ORC2: variants seen among roughly 807,000 people sequenced by gnomAD.
ORC2 encodes origin recognition complex protein 2 homolog.
ORC2 carries 37 observed loss-of-function variants against 77.7 expected under a neutral mutation model. The observed-to-expected ratio is 0.48, with a 90% CI of 0.37 to 0.63. ORC2 has a LOEUF of 0.63. Among genes scored for constraint, ORC2 ranks in the 20% least tolerant of loss-of-function variants. The pLI, the probability that ORC2 is intolerant of heterozygous loss-of-function variation, is 0.00. For missense variants in ORC2, 557 were observed against 661.9 expected (o/e 0.84, Z 1.74); for synonymous variants, 201 against 229.5 (o/e 0.88, Z 1.12).
intron 14 of ORC2, 130 bp from the exon 15 acceptor site, chr2:200,920,523 T>C: frequency 1.7e-6 from 1 of 591,248 alleles, no homozygotes; most frequent in Non-Finnish European, 2.6e-6. Flanking sequence ...TTTTTGCCAC[T>C]TCCATATCTA....
At position 200,925,932 on chromosome 2, in the gene ORC2, C is replaced by T. The variant is rs747476604; in HGVS notation, c.1051G>A (p.Val351Ile). 3.4e-6 allele frequency: 5 copies of T among 1,474,542 alleles called. No individual in the cohort carries two copies. In the South Asian group the frequency reaches 6.0e-5, roughly 18 times the overall value. The allele number at this position is 1,474,542 out of a possible 1,614,324, so 91.3% of individuals were successfully genotyped here. A position where few individuals can be genotyped will look rare whatever the true frequency, so the allele number is the denominator to read the frequency against. ...ACTTCTTCTGTTATAGAATTCAGGA[C>T]CTATATCATGAATGTGGAAGAGGTA... ...GFFPGISVKS[V>I]LNSITEEVLD... The change falls in exon 13 of 18, where the codon GTC (valine) becomes ATC (isoleucine). Residue 351 changes from valine (V) to isoleucine (I), a missense_variant and splice_region_variant. Val to Ile is a conservative substitution (Grantham distance 29). Transcript: ENST00000234296.
rs527445837 is a variant in ORC2, at chr2:200,934,527, T to C, written c.709-553A>G. Among the ~76,000 whole-genome samples, 13 of 151,136 alleles carry C rather than the reference T, an allele frequency of 8.6e-5. No individual in the cohort carries two copies. In the South Asian group the frequency reaches 2.7e-3, roughly 32 times the overall value. ...TTTTTTTTGCAGAGACAGGGTCTTA[T>C]TATGTTATCCAGGCTGGTTTCAAAC... is the stretch of plus-strand genomic sequence containing the variant. On this transcript the variant is annotated intron_variant, in intron 9 of 17. Transcript: ENST00000234296.
At chr2:200,946,954 G>C (rs1211768449) in intron 5 of ORC2, among the ~76,000 whole-genome samples, 1 of 152,040 alleles carries the variant, frequency 6.6e-6, no homozygotes, top group East Asian at 1.9e-4. Flanking sequence ...CCAGGCTGGA[G>C]TGCAGTGGTG....
chr2:200,952,054 T>A (rs116872101), intron 4 of ORC2, among the ~76,000 whole-genome samples: 4,232 of 152,084 alleles, frequency 0.028, 74 homozygotes, highest in Non-Finnish European at 0.041. Context: ...GCCTTTTTTT[T>A]AAAATGGGAA....
chr2:200,930,438 TCCA>T (rs2040919850), intron 11 of ORC2, among the ~76,000 whole-genome samples: 1 of 151,730 alleles, frequency 6.6e-6, no homozygotes, highest in African/African-American at 2.4e-5. Context: ...AATGCATAGA[TCCA>T]TAAATAGTTA....
intron 11 of ORC2, among the ~76,000 whole-genome samples, chr2:200,928,566 C>A (rs1017268667): frequency 1.3e-5 from 2 of 152,050 alleles, no homozygotes; most frequent in African/African-American, 4.8e-5. Context: ...GTAATCCCAG[C>A]ACTTTGGGAG....
At chr2:200,920,415 C>T in intron 14 of ORC2, 22 bp from the exon 15 acceptor site, 2 of 1,461,232 alleles carry the variant, frequency 1.4e-6, no homozygotes, top group Middle Eastern at 1.9e-4. Flanking sequence ...TCAAAGAAAA[C>T]AAGAATTACA....
At chr2:200,941,423 CT>C (rs1462530824) in intron 6 of ORC2, 144 bp from the exon 7 acceptor site, 1 of 576,032 alleles carries the variant, frequency 1.7e-6, no homozygotes, top group Non-Finnish European at 3.1e-6. Context: ...AGGAAGATTG[CT>C]TGAGGCCAGG....
chr2:200,948,420 A>C (rs1265752621), intron 5 of ORC2, among the ~76,000 whole-genome samples: 2 of 152,230 alleles, frequency 1.3e-5, no homozygotes, highest in African/African-American at 2.4e-5. Context: ...GTTCTCTGAA[A>C]ATCAGCAACT....
intron 4 of ORC2, among the ~76,000 whole-genome samples, chr2:200,954,292 C>G (rs748179723): frequency 1.1e-4 from 16 of 152,098 alleles, no homozygotes; most frequent in Admixed American, 7.2e-4. Context: ...CCTTGGCCTC[C>G]CAAAGTGCTG....
At chr2:200,948,204 C>T (rs2041287135) in intron 5 of ORC2, among the ~76,000 whole-genome samples, 1 of 151,906 alleles carries the variant, frequency 6.6e-6, no homozygotes, top group African/African-American at 2.4e-5. Flanking sequence ...TGAGCCACTG[C>T]ACCCAGCCTA....
chr2:200,928,364 A>C (rs1432183859), intron 11 of ORC2, among the ~76,000 whole-genome samples: 1 of 152,124 alleles, frequency 6.6e-6, no homozygotes, highest in East Asian at 1.9e-4. Flanking sequence ...TTAAATAAAT[A>C]AATAAATATT....
intron 15 of ORC2, 107 bp downstream of exon 15, chr2:200,920,115 A>G: frequency 1.3e-6 from 1 of 753,978 alleles, no homozygotes; most frequent in Non-Finnish European, 2.1e-6. Context: ...CTATAATTTC[A>G]CTTAATCCTT....
chr2:200,933,690 T>A (rs1559013525), intron 10 of ORC2, among the ~76,000 whole-genome samples, 186 bp downstream of exon 10: 1 of 152,212 alleles, frequency 6.6e-6, no homozygotes, highest in Non-Finnish European at 1.5e-5. Context: ...ATTACAGGTA[T>A]GAGCCAGGTG....
chr2:200,925,040 G>A (rs1035511199), intron 13 of ORC2, among the ~76,000 whole-genome samples: 13 of 152,306 alleles, frequency 8.5e-5, no homozygotes, highest in South Asian at 2.1e-4. Context: ...GATTACAGGC[G>A]TCAGCCACTG....
intron 5 of ORC2, among the ~76,000 whole-genome samples, chr2:200,947,256 A>T (rs929411664): frequency 6.6e-6 from 1 of 152,228 alleles, no homozygotes; most frequent in African/African-American, 2.4e-5. Context: ...ACATCAATTA[A>T]TGTAAATTAT....
At chr2:200,927,466 G>A (rs976211105) in intron 11 of ORC2, among the ~76,000 whole-genome samples, 2 of 151,194 alleles carry the variant, frequency 1.3e-5, no homozygotes, top group Non-Finnish European at 3.0e-5. Context: ...AGGCCGAGGT[G>A]GGCGGATCAC....
At position 200,915,003 on chromosome 2, in the gene ORC2, CTTTTTTTTTTTTTTTT is replaced by C. The variant is rs1158807101; in HGVS notation, c.1467-1027_1467-1012del. Among the ~76,000 whole-genome samples the C allele has an allele frequency of 3.9e-3, 255 of 65,294 alleles. 2 individuals carry two copies. The highest frequency in any genetic ancestry group is 0.015 in the African/African-American group (242 of 15,632). 42.8% of individuals were successfully genotyped at this position (65,294 alleles called of 152,430 possible). On this transcript the variant is annotated intron_variant, in intron 15 of 17. Coordinates refer to ENST00000234296, the MANE Select transcript of ORC2 (RefSeq NM_006190.5). ...CTTCACTTTTTGATTCTTCCCACGTCTTTTTTTTTTTTTTTTTTTTTTTTTTTTTGAGACAGAGTTT... is the reference window on the plus strand; with the variant it reads ...CTTCACTTTTTGATTCTTCCCACGTCTTTTTTTTTTTTTGAGACAGAGTTT...
rs897494656 is a variant in ORC2, at chr2:200,913,383, C to T, written c.1559G>A (p.Cys520Tyr). Residue 520 changes from cysteine (C) to tyrosine (Y), a missense_variant, in exon 17 of 18, where the codon TGT becomes TAT. Cys to Tyr is a radical substitution (Grantham distance 194). Transcript: ENST00000234296. ...GLSFQDFYQQ[C>Y]REAFLVNSDL... Reference sequence around the variant, plus strand: ...ACTATTGACGAGGAATGCCTCCCGACACTGCTGGTAAAAATCTTGAAAAGA... The same window carrying T: ...ACTATTGACGAGGAATGCCTCCCGATACTGCTGGTAAAAATCTTGAAAAGA... The T allele has an allele frequency of 6.3e-7, 1 of 1,595,972 alleles. No individual in the cohort carries two copies. The highest frequency in any genetic ancestry group is 1.3e-5 in the African/African-American group (1 of 74,430).
Sources: gnomAD v4.1 joint callset for allele counts (sites outside exome capture counted in the v4.1 genomes callset) on GRCh38, gnomAD v4.1.1 for gene constraint, MANE v1.5 for transcripts, NCBI Gene and HGNC (gene_info 2026-07-23, HGNC 2026-07-21) for gene names.